The following SH3GL1 variants were observed in gnomAD, a reference collection of about 807,000 sequenced individuals.
SH3GL1 encodes the protein SH3 domain containing GRB2 like 1, endophilin A2.
SH3GL1 carries 21 observed loss-of-function variants against 48.8 expected under a neutral mutation model. That is an observed-to-expected ratio of 0.43 (90% CI 0.30 to 0.62). The LOEUF is 0.62. SH3GL1 is among the 20% of genes least tolerant of loss of function. The pLI is 0.11. For synonymous variants in SH3GL1, 282 were observed against 217.5 expected, an observed-to-expected ratio of 1.30 and a Z score of -2.61; for missense variants, 454 against 503.0, an observed-to-expected ratio of 0.90 and a Z score of 0.93.
rs544472890 is a variant in SH3GL1, at chr19:4,364,314, C to G, written c.332-93G>C. ...CCTTTGTTTTTGAAATAGCGTTTCA[C>G]AGGCTGGAACGCAGTGGCGCTGTAC... On this transcript the variant is annotated intron_variant, in intron 4 of 9. Coordinates refer to ENST00000269886, the MANE Select transcript of SH3GL1 (RefSeq NM_003025.4). The G allele has an allele frequency of 1.8e-5, 27 of 1,506,200 alleles. 1 individual carries two copies. The East Asian group carries it at 5.7e-4, about 32-fold the overall frequency. 93.3% of individuals were successfully genotyped at this position (1,506,200 alleles called of 1,614,324 possible).
intron 1 of SH3GL1, among the ~76,000 whole-genome samples, chr19:4,394,207 C>G (rs937873894): frequency 3.3e-5 from 5 of 151,838 alleles, no homozygotes; most frequent in Admixed American, 2.0e-4. Flanking sequence ...TCACACAGCC[C>G]GGCCACAAGA....
intron 1 of SH3GL1, among the ~76,000 whole-genome samples, chr19:4,388,411 G>C (rs941132563): frequency 6.6e-6 from 1 of 152,074 alleles, no homozygotes; most frequent in African/African-American, 2.4e-5. Context: ...TAGAAGACAG[G>C]TACAGAGAGG....
chr19:4,384,882 T>C (rs910481378), intron 1 of SH3GL1, among the ~76,000 whole-genome samples: 2 of 152,308 alleles, frequency 1.3e-5, no homozygotes, highest in South Asian at 2.1e-4. Context: ...AGCAGGCAGA[T>C]TGCTGGAGCT....
At chr19:4,372,986 T>A (rs1972932944) in intron 1 of SH3GL1, among the ~76,000 whole-genome samples, 1 of 152,144 alleles carries the variant, frequency 6.6e-6, no homozygotes, top group Non-Finnish European at 1.5e-5. Context: ...CCTGTGACAG[T>A]AAGTGCCTGG....
intron 8 of SH3GL1, 37 bp from the exon 9 acceptor site, chr19:4,362,422 A>G: frequency 1.3e-6 from 2 of 1,597,568 alleles, no homozygotes; most frequent in Non-Finnish European, 1.7e-6. Flanking sequence ...GTGGGCTCAA[A>G]ACGGTCGGGC....
Position 4,361,056 on chromosome 19 carries a change from G to A in SH3GL1, c.*544C>T, listed in dbSNP as rs141284896. 515 of 235,562 alleles carry A rather than the reference G, an allele frequency of 2.2e-3. 3 individuals carry two copies. The highest frequency in any genetic ancestry group is 0.011 in the African/African-American group (482 of 45,416). The allele number at this position is 235,562 out of a possible 1,614,324, so 14.6% of individuals were successfully genotyped here. The stretch of plus-strand genomic sequence containing the variant: ...CCCTGGCCTTGAGGAGAAGGAGTGC[G>A]TGTGTGAGGCGGGGGTGCATTGGCC... On this transcript the variant is annotated 3_prime_UTR_variant, in exon 10 of 10. Transcript: ENST00000269886.
Position 4,389,642 on chromosome 19 carries a change from C to T in SH3GL1, c.45+10682G>A, listed in dbSNP as rs1973299202. ...TGCTTCTCTTCCTCTAGGGCGTGCT[C>T]ACACAAACTCGACACGAGGCCATCC... is the stretch of plus-strand genomic sequence containing the variant. On this transcript the variant is annotated intron_variant, in intron 1 of 9. Coordinates refer to ENST00000269886, the MANE Select transcript of SH3GL1 (RefSeq NM_003025.4). This position sits in a 1 kb window ranked among gnomAD's most constrained non-coding sequence, Gnocchi z 4.5. Among the ~76,000 whole-genome samples the T allele has an allele frequency of 6.6e-6, 1 of 152,200 alleles. No homozygotes were observed. The highest frequency in any genetic ancestry group is 1.5e-5 in the Non-Finnish European group (1 of 68,016).
chr19:4,375,628 C>T (rs374418703), intron 1 of SH3GL1, among the ~76,000 whole-genome samples: 2 of 152,266 alleles, frequency 1.3e-5, no homozygotes, highest in Admixed American at 6.5e-5. Flanking sequence ...GAACAAACCA[C>T]ACCCAGAGCT....
chr19:4,398,534 A>G (rs1973463036), intron 1 of SH3GL1, among the ~76,000 whole-genome samples: 1 of 151,842 alleles, frequency 6.6e-6, no homozygotes, highest in South Asian at 2.1e-4. Flanking sequence ...AGGCAAAAAT[A>G]CAAAATTTTT....
intron 1 of SH3GL1, among the ~76,000 whole-genome samples, chr19:4,373,036 G>A (rs1245179222): frequency 1.3e-5 from 2 of 152,232 alleles, no homozygotes; most frequent in Non-Finnish European, 2.9e-5. Context: ...TGGTCTGGGA[G>A]CCTGCAGGGC....
At chr19:4,393,939 A>G (rs1973382212) in intron 1 of SH3GL1, among the ~76,000 whole-genome samples, 1 of 151,758 alleles carries the variant, frequency 6.6e-6, no homozygotes, top group African/African-American at 2.4e-5. Flanking sequence ...GGGGCCCAGG[A>G]TCCCCCGGCA....
intron 2 of SH3GL1, 74 bp from the exon 3 acceptor site, chr19:4,366,647 C>T (rs1392378405): frequency 7.3e-7 from 1 of 1,365,252 alleles, no homozygotes; most frequent in Non-Finnish European, 1.0e-6. Context: ...CGCTGCTGCA[C>T]CGCCTCCTGC....
intron 1 of SH3GL1, among the ~76,000 whole-genome samples, chr19:4,368,219 G>A (rs1342371894): frequency 2.0e-5 from 3 of 152,240 alleles, no homozygotes; most frequent in Non-Finnish European, 4.4e-5. Flanking sequence ...GTCACAAGAC[G>A]TGGCCAAGGG....
intron 1 of SH3GL1, among the ~76,000 whole-genome samples, chr19:4,371,326 T>C (rs1220680702): frequency 6.6e-6 from 1 of 152,110 alleles, no homozygotes; most frequent in Non-Finnish European, 1.5e-5. Flanking sequence ...CCCAGAGGGG[T>C]GTGGGCAGCT....
chr19:4,365,768 C>G, intron 3 of SH3GL1, 143 bp from the exon 4 acceptor site: 1 of 1,202,262 alleles, frequency 8.3e-7, no homozygotes, highest in Non-Finnish European at 1.2e-6. Flanking sequence ...GTGGAATCCC[C>G]AGAGGGTCCC....
chr19:4,366,392 C>T, intron 3 of SH3GL1, 109 bp downstream of exon 3: 2 of 840,826 alleles, frequency 2.4e-6, no homozygotes, highest in South Asian at 2.9e-5. Flanking sequence ...TCCAGCTGTG[C>T]CTGAAGCCCA....
rs1555738982 is a variant in SH3GL1 at position 4,361,407 on chromosome 19, TCCCCACCCACCCAGATAAGCCC to T, written c.*171_*192del. The T allele has an allele frequency of 1.7e-6, 1 of 590,452 alleles. No homozygotes were observed. The highest frequency in any genetic ancestry group is 3.0e-5 in the Admixed American group (1 of 33,354). The allele number at this position is 590,452 out of a possible 1,614,324, so 36.6% of individuals were successfully genotyped here. On this transcript the variant is annotated 3_prime_UTR_variant, in exon 10 of 10. Coordinates refer to ENST00000269886, the MANE Select transcript of SH3GL1 (RefSeq NM_003025.4). The stretch of plus-strand genomic sequence containing the variant: ...GAGTCAGCGCTAGTGTAAACAGGCA[TCCCCACCCACCCAGATAAGCCC>T]CCCCACCCAAGTGTGGGGTCCTGCT...
At position 4,389,702 on chromosome 19, in the gene SH3GL1, C is replaced by A. The variant is rs1973300772; in HGVS notation, c.45+10622G>T. On this transcript the variant is annotated intron_variant, in intron 1 of 9. Coordinates refer to ENST00000269886, the MANE Select transcript of SH3GL1 (RefSeq NM_003025.4). The surrounding 1 kb of genome is among the most constrained non-coding windows in gnomAD (Gnocchi z 4.5). The stretch of plus-strand genomic sequence containing the variant: ...TGGGGGCCACGGTGGCCCATCCGTC[C>A]TTCCATGTGATATTTACCGGCTCCC... 6.6e-6 allele frequency among the ~76,000 whole-genome samples: 1 copy of A among 152,212 alleles called. No individual in the cohort carries two copies. The highest frequency in any genetic ancestry group is 2.4e-5 in the African/African-American group (1 of 41,446).
At position 4,373,776 on chromosome 19, in the gene SH3GL1, G is replaced by A. The variant is rs560973229; in HGVS notation, c.46-6782C>T. ...GCCACAGAGGGCCCCCTGAGAGCCC[G>A]GCTTCCCCACGGCCCCCAGGCTGTG... On this transcript the variant is annotated intron_variant, in intron 1 of 9. Coordinates refer to ENST00000269886, the MANE Select transcript of SH3GL1 (RefSeq NM_003025.4). Among the ~76,000 whole-genome samples the A allele has an allele frequency of 1.6e-4, 25 of 152,322 alleles. No individual in the cohort carries two copies. The East Asian group carries it at 3.9e-3, about 24-fold the overall frequency.
Sources: allele counts gnomAD v4.1 joint callset (sites outside exome capture counted in the v4.1 genomes callset), GRCh38; gene constraint gnomAD v4.1.1; non-coding constraint Gnocchi (gnomAD v3.1); transcripts MANE v1.5; gene names NCBI Gene and HGNC (gene_info 2026-07-23, HGNC 2026-07-21).